Variants in ZNF644 observed in about 807,000 individuals in gnomAD.
ZNF644 encodes the protein zinc finger motif enhancer binding protein 2.
In ZNF644, 20 loss-of-function variants were observed where a neutral mutation model predicts 108.0. The observed-to-expected ratio is 0.19, with a 90% CI of 0.13 to 0.27. The LOEUF (loss-of-function observed/expected upper bound fraction) is 0.27. Ranked by LOEUF, ZNF644 falls within the 10% of genes least tolerant of loss-of-function variation. The probability of loss-of-function intolerance (pLI) is 1.00; values close to 1 mark genes in which losing one functional copy is unlikely to be tolerated. For missense variants in ZNF644, 1,338 were observed against 1,548.9 expected (o/e 0.86, Z 2.29); for synonymous variants, 542 against 539.1 (o/e 1.01, Z -0.08).
intron 2 of ZNF644, chr1:90,972,957 C>T (rs1037060584): frequency 1.3e-5 from 2 of 151,852 alleles, no homozygotes; most frequent in Non-Finnish European, 2.9e-5. Context: ...GCAGGAGAAA[C>T]GGAGGAATTG....
At chr1:90,971,984 C>T (rs935012379) in intron 2 of ZNF644, among the ~76,000 whole-genome samples, 3 of 152,006 alleles carry the variant, frequency 2.0e-5, no homozygotes, top group African/African-American at 7.2e-5. Flanking sequence ...ATGAAACATG[C>T]AAGTAAGCAG....
At chr1:91,021,587 C>G (rs2100730938) in intron 1 of ZNF644, 1 of 157,782 alleles carries the variant, frequency 6.3e-6, no homozygotes, top group African/African-American at 2.4e-5. Flanking sequence ...GTGCCCAGCT[C>G]AGCCCCTTTG....
chr1:90,965,947 C>G (rs930435011), intron 2 of ZNF644, among the ~76,000 whole-genome samples: 2 of 152,106 alleles, frequency 1.3e-5, no homozygotes, highest in Non-Finnish European at 1.5e-5. Context: ...GACGGGGTTT[C>G]ATCATGTTGG....
At chr1:90,952,940 C>T (rs1022176431) in intron 2 of ZNF644, among the ~76,000 whole-genome samples, 1 of 118,404 alleles carries the variant, frequency 8.4e-6, no homozygotes, top group South Asian at 2.7e-4. Flanking sequence ...AAATAAAAGA[C>T]AATGAGAAAA....
intron 1 of ZNF644, among the ~76,000 whole-genome samples, chr1:91,001,360 G>A (rs1175313838): frequency 1.3e-5 from 2 of 152,180 alleles, no homozygotes; most frequent in East Asian, 1.9e-4. Context: ...CTTCATCCCT[G>A]GGATGCAAGG....
chr1:90,941,884 T>C (rs997388095), intron 2 of ZNF644, among the ~76,000 whole-genome samples: 2 of 152,200 alleles, frequency 1.3e-5, no homozygotes, highest in African/African-American at 4.8e-5. Flanking sequence ...CAATGTTTTA[T>C]GTATGAAATA....
At chr1:91,018,831 CATTAACAGTCTCAATTCA>C (rs1410162856) in intron 1 of ZNF644, among the ~76,000 whole-genome samples, 1 of 152,190 alleles carries the variant, frequency 6.6e-6, no homozygotes, top group Non-Finnish European at 1.5e-5. Context: ...TCCTGCTACC[CATTAACAGTCTCAATTCA>C]ACCAAAACAC....
rs948080614 is a variant in ZNF644, at chr1:90,925,677, C to A, written c.3689-7523G>T. Among the ~76,000 whole-genome samples the A allele has an allele frequency of 9.3e-5, 14 of 150,070 alleles. No homozygotes were observed. The East Asian group carries it at 2.5e-3, about 27-fold the overall frequency. ...AGTAATGCTAGGAAACTAGATAAGA[C>A]TTGCATGAAAAACAAGATGTCAGTC... On this transcript the variant is annotated intron_variant, in intron 4 of 5. Coordinates refer to ENST00000337393, the MANE Select transcript of ZNF644 (RefSeq NM_201269.3).
At chr1:91,016,064 T>C (rs951783769) in intron 1 of ZNF644, among the ~76,000 whole-genome samples, 1 of 152,324 alleles carries the variant, frequency 6.6e-6, no homozygotes, top group South Asian at 2.1e-4. Flanking sequence ...CTTTATCATA[T>C]CCTGCCTCTT....
rs537743612 is a variant in ZNF644 at position 90,959,109 on chromosome 1, A to G, written c.45-17800T>C. ...TTTTAAATGAGCAAAGGACGTGAAC[A>G]GATATTTCTCAAAAAAAGATATATA... On this transcript the variant is annotated intron_variant, in intron 2 of 5. Coordinates refer to ENST00000337393, the MANE Select transcript of ZNF644 (RefSeq NM_201269.3). Among the ~76,000 whole-genome samples, 35 of 152,314 alleles carry G rather than the reference A, an allele frequency of 2.3e-4. No individual in the cohort carries two copies. The South Asian group carries it at 6.8e-3, about 30-fold the overall frequency.
rs13368 is a variant in ZNF644 at position 90,915,589 on chromosome 1, T to A, written c.*1209A>T. ...AATACCTAATTGTTTTTGGAAAAAA[T>A]TTTTAAAAAGAATCACAATTTATCA... On this transcript the variant is annotated 3_prime_UTR_variant, in exon 6 of 6. Transcript: ENST00000337393. 9 of 152,478 alleles carry A rather than the reference T, an allele frequency of 5.9e-5. No homozygotes were observed. Among genetic ancestry groups the A allele is most frequent in the African/African-American group, 1.9e-4 (8 of 41,414 alleles). 9.4% of individuals were successfully genotyped at this position (152,478 alleles called of 1,614,324 possible). A position where few individuals can be genotyped will look rare whatever the true frequency, so the allele number is the denominator to read the frequency against.
At position 90,958,232 on chromosome 1, in the gene ZNF644, TAAAAAAA is replaced by T. The variant is rs777224217; in HGVS notation, c.45-16930_45-16924del. Among the ~76,000 whole-genome samples the T allele has an allele frequency of 7.4e-3, 308 of 41,410 alleles. 2 individuals are homozygous for T. The highest frequency in any genetic ancestry group is 0.026 in the African/African-American group (292 of 11,310). 27.2% of individuals were successfully genotyped at this position (41,410 alleles called of 152,430 possible). On this transcript the variant is annotated intron_variant, in intron 2 of 5. Transcript: ENST00000337393. ...ACCTGGGCGACAAAAGCAAAACTCC[TAAAAAAA>T]AAAAAAAAAAAAAAAAAAGAATAAA...
chr1:91,008,413 C>T (rs1421645378), intron 1 of ZNF644, among the ~76,000 whole-genome samples: 1 of 152,148 alleles, frequency 6.6e-6, no homozygotes, highest in Non-Finnish European at 1.5e-5. Flanking sequence ...GCAGAAGGTT[C>T]AGCTTTCTCT....
chr1:90,928,034 C>T (rs534653334), intron 4 of ZNF644, among the ~76,000 whole-genome samples: 9 of 150,126 alleles, frequency 6.0e-5, no homozygotes, highest in Admixed American at 3.3e-4. Flanking sequence ...TTAGTAGAGA[C>T]GGAGTTTCAC....
At chr1:90,999,500 T>C (rs1173211179) in intron 1 of ZNF644, among the ~76,000 whole-genome samples, 1 of 152,136 alleles carries the variant, frequency 6.6e-6, no homozygotes, top group Non-Finnish European at 1.5e-5. Context: ...GCTGAGAGAT[T>C]TGTCACCACC....
At chr1:90,960,089 A>C (rs181814453) in intron 2 of ZNF644, among the ~76,000 whole-genome samples, 2 of 152,262 alleles carry the variant, frequency 1.3e-5, no homozygotes, top group Non-Finnish European at 2.9e-5. Context: ...TTTGTTCAAG[A>C]ACCTTTATTT....
intron 2 of ZNF644, among the ~76,000 whole-genome samples, chr1:90,953,056 T>A (rs1391763850): frequency 6.8e-6 from 1 of 147,578 alleles, no homozygotes; most frequent in Non-Finnish European, 1.5e-5. Flanking sequence ...CAAGAGCTAA[T>A]CTCATGCTAT....
chr1:90,999,772 T>C (rs1368553185), intron 1 of ZNF644, among the ~76,000 whole-genome samples: 1 of 152,178 alleles, frequency 6.6e-6, no homozygotes, highest in Non-Finnish European at 1.5e-5. Context: ...GACCCATCAG[T>C]GTGCTGTATT....
chr1:90,960,507 T>C (rs1654228354), intron 2 of ZNF644, among the ~76,000 whole-genome samples: 1 of 152,186 alleles, frequency 6.6e-6, no homozygotes, highest in African/African-American at 2.4e-5. Context: ...AAAGAGGGAC[T>C]ACTGTTCACT....
Sources: allele counts gnomAD v4.1 joint callset (sites outside exome capture counted in the v4.1 genomes callset), GRCh38; gene constraint gnomAD v4.1.1; transcripts MANE v1.5; gene names NCBI Gene and HGNC (gene_info 2026-07-23, HGNC 2026-07-21).